PRAG1: variants seen among roughly 807,000 people sequenced by gnomAD.
The protein encoded by PRAG1 is inactive tyrosine-protein kinase PRAG1.
A neutral mutation model predicts 95.6 loss-of-function variants in PRAG1; 110 were observed. That is an observed-to-expected ratio of 1.15 (90% CI 0.99 to 1.35). The LOEUF (loss-of-function observed/expected upper bound fraction) is 1.35, where lower values mean the gene tolerates loss of function less well. Among genes scored for constraint, PRAG1 ranks in the 40% most tolerant of loss-of-function variants. The probability of loss-of-function intolerance (pLI) is 0.00; values close to 1 mark genes in which losing one functional copy is unlikely to be tolerated. For missense variants in PRAG1, 2,554 were observed against 1,864.7 expected, an observed-to-expected ratio of 1.37 and a Z score of -6.81; for synonymous variants, 1,052 against 819.4, an observed-to-expected ratio of 1.28 and a Z score of -4.85.
At position 8,318,875 on chromosome 8, in the gene PRAG1, GC is replaced by G; in HGVS notation, c.3499del (p.Ala1167ProfsTer52). The G allele has an allele frequency of 2.2e-6, 3 of 1,365,104 alleles. No homozygotes were observed. Among genetic ancestry groups the G allele is most frequent in the Non-Finnish European group, 2.9e-6 (3 of 1,048,906 alleles). 84.6% of individuals were successfully genotyped at this position (1,365,104 alleles called of 1,614,324 possible). On this transcript the variant is annotated frameshift_variant, in exon 6 of 6. Coordinates refer to ENST00000615670, the MANE Select transcript of PRAG1 (RefSeq NM_001080826.3). LOFTEE classifies it high-confidence loss of function. This position sits in a 1 kb window ranked among gnomAD's most constrained non-coding sequence, Gnocchi z 4.2. Reference sequence around the variant, plus strand: ...GGCGGGGGCGGGAGCCGGGGCGGGGGCGGGGGCGGGCCCGGGGCCGGCCTGG... The same window carrying G: ...GGCGGGGGCGGGAGCCGGGGCGGGGGGGGGGCGGGCCCGGGGCCGGCCTGG... Reference protein sequence around the residue: ...TLQAGPGPAPAPAPAPAPAAA... With the variant: ...TLQAGPGPAPXPAPAPAPAAA...
rs1216017395 is a variant in PRAG1 at position 8,318,605 on chromosome 8, G to C, written c.3770C>G (p.Thr1257Arg). 3 of 1,613,324 alleles carry C rather than the reference G, an allele frequency of 1.9e-6. No individual in the cohort carries two copies. The highest frequency in any genetic ancestry group is 4.5e-5 in the East Asian group (2 of 44,814). Residue 1257 changes from threonine to arginine, a missense_variant, in exon 6 of 6, where the codon ACA becomes AGA. Thr to Arg is a moderately conservative substitution (Grantham distance 71). Coordinates refer to ENST00000615670, the MANE Select transcript of PRAG1 (RefSeq NM_001080826.3). This position sits in a 1 kb window ranked among gnomAD's most constrained non-coding sequence, Gnocchi z 4.2. ...CAGCAGCTCGTAGATGAGGATGCCT[G>C]TCTGGAACTCATCGAACTTGCGGTA... is the stretch of plus-strand genomic sequence containing the variant. Reference protein sequence around the residue: ...SQYRKFDEFQTGILIYELLHQ... With the variant: ...SQYRKFDEFQRGILIYELLHQ...
Position 8,362,978 on chromosome 8 carries a change from G to A in PRAG1, c.2162+13269C>T, listed in dbSNP as rs544832753. Among the ~76,000 whole-genome samples the A allele has an allele frequency of 5.9e-5, 9 of 152,000 alleles. No homozygotes were observed. In the South Asian group the frequency reaches 1.9e-3, roughly 32 times the overall value. On this transcript the variant is annotated intron_variant, in intron 3 of 5. Coordinates refer to ENST00000615670, the MANE Select transcript of PRAG1 (RefSeq NM_001080826.3). ...GGAAGAGACATAAGCTGTGAGCTGG[G>A]ACATGCCTGGGCATGCTGAGACATG...
chr8:8,377,353 G>A lies in PRAG1; in HGVS notation c.1056C>T (p.Gly352=), dbSNP rs1335442365. The part of the protein sequence containing the change: ...SCGSGSGSGS[G]ASSPFVPHLE... Reference sequence around the variant, plus strand: ...GGTGGGGGACGAAGGGGCTACTGGCGCCGCTGCCGCTGCCGCTGCCGCTGC... The same window carrying A: ...GGTGGGGGACGAAGGGGCTACTGGCACCGCTGCCGCTGCCGCTGCCGCTGC... Residue 352 remains glycine (G), a synonymous_variant, in exon 3 of 6, where the codon GGC becomes GGT. Coordinates refer to ENST00000615670, the MANE Select transcript of PRAG1 (RefSeq NM_001080826.3). The A allele has an allele frequency of 1.2e-4, 55 of 464,644 alleles. No homozygotes were observed. The Middle Eastern group carries it at 1.2e-3, about 11-fold the overall frequency. The allele number at this position is 464,644 out of a possible 1,614,324, so 28.8% of individuals were successfully genotyped here. A position where few individuals can be genotyped will look rare whatever the true frequency, so the allele number is the denominator to read the frequency against.
chr8:8,381,580 A>T lies in PRAG1; in HGVS notation c.168T>A (p.Pro56=), dbSNP rs1250279568. The T allele has an allele frequency of 6.2e-7, 1 of 1,613,990 alleles. No homozygotes were observed. The highest frequency in any genetic ancestry group is 1.3e-5 in the African/African-American group (1 of 74,898). The change falls in exon 2 of 6, where the codon CCT becomes CCA. Residue 56 remains proline, a synonymous_variant. Transcript: ENST00000615670. ...PPQPRAGSLP[P]PPRLPPRPEN... ...CAGGCCTGGGAGGCAGGCGCGGTGGAGGGGGCAGGCTGCCCGCTCTGGGCT... is the reference window on the plus strand; with the variant it reads ...CAGGCCTGGGAGGCAGGCGCGGTGGTGGGGGCAGGCTGCCCGCTCTGGGCT...
chr8:8,381,014 A>G (rs1800618848), intron 2 of PRAG1, among the ~76,000 whole-genome samples: 1 of 152,104 alleles, frequency 6.6e-6, no homozygotes, highest in Admixed American at 6.6e-5. Context: ...AGGTGAAATA[A>G]GATTGGTCAG....
At chr8:8,358,508 G>A (rs563001643) in intron 3 of PRAG1, among the ~76,000 whole-genome samples, 8 of 152,226 alleles carry the variant, frequency 5.3e-5, no homozygotes, top group African/African-American at 1.9e-4. Flanking sequence ...GGTTTTTCAG[G>A]TGACCAACTC....
chr8:8,373,359 A>G (rs1396166746), intron 3 of PRAG1, among the ~76,000 whole-genome samples: 1 of 152,152 alleles, frequency 6.6e-6, no homozygotes. Context: ...AGAAATGAAA[A>G]TGCTTCCCCA....
intron 4 of PRAG1, among the ~76,000 whole-genome samples, chr8:8,338,319 C>T (rs1365403963): frequency 6.6e-6 from 1 of 152,176 alleles, no homozygotes; most frequent in African/African-American, 2.4e-5. Context: ...AAGTCCAGTT[C>T]GCCTGACACC....
Position 8,377,385 on chromosome 8 carries a change from A to G in PRAG1, c.1024T>C (p.Ser342Pro), listed in dbSNP as rs868940828. The change falls in exon 3 of 6, where the codon TCT becomes CCT. Residue 342 changes from serine (S) to proline (P), a missense_variant. Physicochemically the swap from Ser to Pro is moderately conservative, Grantham distance 74 (BLOSUM62 -1). Coordinates refer to ENST00000615670, the MANE Select transcript of PRAG1 (RefSeq NM_001080826.3). Reference sequence around the variant, plus strand: ...CCGCTGCCGCTGCCGCTGCCACAAGAGAGGCCGTCGGAAGAAATGGCAGCC... The same window carrying G: ...CCGCTGCCGCTGCCGCTGCCACAAGGGAGGCCGTCGGAAGAAATGGCAGCC... ...SEAAISSDGL[S>P]CGSGSGSGSG... is the part of the protein sequence containing the mutation. 1 of 1,589,670 alleles carries G rather than the reference A, an allele frequency of 6.3e-7. No individual in the cohort carries two copies. Among genetic ancestry groups the G allele is most frequent in the Non-Finnish European group, 8.6e-7 (1 of 1,168,834 alleles).
chr8:8,322,244 G>T (rs190109468), intron 5 of PRAG1, among the ~76,000 whole-genome samples: 1 of 151,970 alleles, frequency 6.6e-6, no homozygotes, highest in Non-Finnish European at 1.5e-5. Flanking sequence ...GCAGTGGCAC[G>T]ATCTCGGCTC....
intron 3 of PRAG1, among the ~76,000 whole-genome samples, chr8:8,369,476 T>G (rs1280017343): frequency 6.6e-6 from 1 of 152,196 alleles, no homozygotes; most frequent in African/African-American, 2.4e-5. Context: ...GCTTTTTTCT[T>G]CAACATTTCT....
At chr8:8,319,336 G>C (rs1329939933) in intron 5 of PRAG1, 34 bp from the exon 6 acceptor site, 2 of 1,477,688 alleles carry the variant, frequency 1.4e-6, no homozygotes, top group African/African-American at 2.8e-5. Context: ...ATCAAGAGTG[G>C]GGCCCATGGT....
At chr8:8,339,269 A>T (rs1383954170) in intron 4 of PRAG1, among the ~76,000 whole-genome samples, 1 of 152,182 alleles carries the variant, frequency 6.6e-6, no homozygotes, top group African/African-American at 2.4e-5. Context: ...ACACTCTTAT[A>T]ATTTGGAGAG....
chr8:8,375,673 C>T lies in PRAG1; in HGVS notation c.2162+574G>A, dbSNP rs149371108. Among the ~76,000 whole-genome samples, 114 of 152,192 alleles carry T rather than the reference C, an allele frequency of 7.5e-4. 1 individual carries two copies. Among genetic ancestry groups the T allele is most frequent in the Non-Finnish European group, 1.3e-3 (87 of 67,998 alleles). ...AAATCTTTAAAAAAATTTTTTTTAA[C>T]TTTAACTTTAAAAATGTTATTATTT... On this transcript the variant is annotated intron_variant, in intron 3 of 5. Transcript: ENST00000615670.
intron 3 of PRAG1, among the ~76,000 whole-genome samples, chr8:8,354,147 A>G (rs1272162519): frequency 6.6e-6 from 1 of 152,172 alleles, no homozygotes; most frequent in Non-Finnish European, 1.5e-5. Context: ...AGGGACTATT[A>G]TGAACAATTA....
intron 3 of PRAG1, among the ~76,000 whole-genome samples, chr8:8,345,296 C>T (rs1262678790): frequency 6.9e-6 from 1 of 145,446 alleles, no homozygotes; most frequent in Non-Finnish European, 1.5e-5. Flanking sequence ...TTTAGGAGGC[C>T]GAGGTGGGAG....
intron 3 of PRAG1, among the ~76,000 whole-genome samples, chr8:8,362,261 A>G (rs1585259160): frequency 6.6e-6 from 1 of 151,748 alleles, no homozygotes; most frequent in Admixed American, 6.6e-5. Context: ...GCACCCACCC[A>G]CTCCGTCCAG....
At chr8:8,332,979 G>A (rs966344239) in intron 4 of PRAG1, among the ~76,000 whole-genome samples, 4 of 152,168 alleles carry the variant, frequency 2.6e-5, no homozygotes, top group Admixed American at 6.5e-5. Flanking sequence ...AAATACTTCC[G>A]AGTTCACAGG....
chr8:8,331,484 T>G (rs2117124766), intron 4 of PRAG1, among the ~76,000 whole-genome samples: 1 of 152,310 alleles, frequency 6.6e-6, no homozygotes, highest in Non-Finnish European at 1.5e-5. Context: ...TCTCTCCATT[T>G]TCAACCTCTC....
Sources: gnomAD v4.1 joint callset for allele counts (sites outside exome capture counted in the v4.1 genomes callset) on GRCh38, gnomAD v4.1.1 for gene constraint, Gnocchi (gnomAD v3.1) non-coding constraint, MANE v1.5 for transcripts, NCBI Gene and HGNC (gene_info 2026-07-23, HGNC 2026-07-21) for gene names.